Variants in MYO1E observed in about 807,000 individuals in gnomAD.
MYO1E encodes the protein myosin IE.
A neutral mutation model predicts 151.1 loss-of-function variants in MYO1E; 68 were observed. The ratio of observed to expected loss-of-function variants is 0.45; its 90% CI spans 0.37 to 0.55. The LOEUF (loss-of-function observed/expected upper bound fraction) is 0.55. Among genes scored for constraint, MYO1E ranks in the 20% least tolerant of loss-of-function variants. The pLI is 0.00. For missense variants in MYO1E, 1,363 were observed against 1,389.3 expected (o/e 0.98, Z 0.30); for synonymous variants, 601 against 501.7 (o/e 1.20, Z -2.64).
chr15:59,314,960 G>C (rs2080577327), intron 1 of MYO1E, among the ~76,000 whole-genome samples: 1 of 152,106 alleles, frequency 6.6e-6, no homozygotes, highest in African/African-American at 2.4e-5. Context: ...GATTTTTCTA[G>C]AGAAGCTGGA....
intron 26 of MYO1E, among the ~76,000 whole-genome samples, chr15:59,141,032 G>A (rs1328444813): frequency 6.6e-6 from 1 of 152,222 alleles, no homozygotes; most frequent in Non-Finnish European, 1.5e-5. Context: ...GGCCAGGCGA[G>A]CAGGTTTTTA....
At chr15:59,358,004 CT>C (rs1481004505) in intron 1 of MYO1E, among the ~76,000 whole-genome samples, 13 of 152,130 alleles carry the variant, frequency 8.5e-5, no homozygotes, top group Non-Finnish European at 1.9e-4. Context: ...TTCACTACAT[CT>C]TAATTGGAGC....
chr15:59,218,183 G>C (rs569188107), intron 9 of MYO1E, 96 bp from the exon 10 acceptor site: 2 of 1,429,582 alleles, frequency 1.4e-6, no homozygotes, highest in Non-Finnish European at 2.0e-6. Context: ...GCACATGCAC[G>C]TGTGTGTGCA....
intron 25 of MYO1E, among the ~76,000 whole-genome samples, chr15:59,156,423 G>A (rs2079510069): frequency 6.6e-6 from 1 of 152,200 alleles, no homozygotes; most frequent in Non-Finnish European, 1.5e-5. Flanking sequence ...GGCCTCAAGT[G>A]ATCTGCTCGT....
intron 1 of MYO1E, among the ~76,000 whole-genome samples, chr15:59,344,407 G>T (rs542455234): frequency 6.6e-6 from 1 of 152,206 alleles, no homozygotes; most frequent in African/African-American, 2.4e-5. Flanking sequence ...GTGGAGCTAG[G>T]GGAAGGGTGA....
At chr15:59,315,324 T>G (rs371318324) in intron 1 of MYO1E, among the ~76,000 whole-genome samples, 12 of 152,138 alleles carry the variant, frequency 7.9e-5, no homozygotes, top group Non-Finnish European at 1.6e-4. Context: ...TTTGACCTGA[T>G]TGCCATCCCC....
At chr15:59,272,015 C>G (rs2080291675) in intron 2 of MYO1E, among the ~76,000 whole-genome samples, 1 of 152,246 alleles carries the variant, frequency 6.6e-6, no homozygotes, top group Admixed American at 6.5e-5. Context: ...TATAAACATA[C>G]AAAACCTCAT....
chr15:59,326,016 G>C (rs2080661700), intron 1 of MYO1E, among the ~76,000 whole-genome samples: 1 of 152,192 alleles, frequency 6.6e-6, no homozygotes, highest in Non-Finnish European at 1.5e-5. Flanking sequence ...GGAATAGGAA[G>C]AGGGAAGTCA....
chr15:59,135,242 CCT>C lies in MYO1E; in HGVS notation c.*2136_*2137del, dbSNP rs1427179666. On this transcript the variant is annotated 3_prime_UTR_variant, in exon 28 of 28. Transcript: ENST00000288235. ...TTACTCGTGGGGGTTTAACTCAGTCCCTGTTTTGTGACCTAGAGCCCGATGGT... is the reference window on the plus strand; with the variant it reads ...TTACTCGTGGGGGTTTAACTCAGTCCGTTTTGTGACCTAGAGCCCGATGGT... 1 of 152,134 alleles carries C rather than the reference CCT, an allele frequency of 6.6e-6. No homozygotes were observed. Among genetic ancestry groups the C allele is most frequent in the Non-Finnish European group, 1.5e-5 (1 of 68,040 alleles). 9.4% of individuals were successfully genotyped at this position (152,134 alleles called of 1,614,324 possible). A position where few individuals can be genotyped will look rare whatever the true frequency, so the allele number is the denominator to read the frequency against.
intron 4 of MYO1E, among the ~76,000 whole-genome samples, chr15:59,254,195 AAAAACAAAAC>A (rs199845549): frequency 6.6e-6 from 1 of 151,986 alleles, no homozygotes; most frequent in East Asian, 1.9e-4. Flanking sequence ...GCTTTATTAA[AAAAACAAAAC>A]AAAACAAAAC....
chr15:59,335,925 T>C (rs1398202366), intron 1 of MYO1E, among the ~76,000 whole-genome samples: 2 of 151,678 alleles, frequency 1.3e-5, no homozygotes, highest in African/African-American at 4.9e-5. Context: ...GCCTTTCCAA[T>C]GAGAACCCGG....
chr15:59,361,661 T>C (rs1194627198), intron 1 of MYO1E, among the ~76,000 whole-genome samples: 2 of 152,124 alleles, frequency 1.3e-5, no homozygotes, highest in Non-Finnish European at 2.9e-5. Flanking sequence ...AAGAAATATA[T>C]ATGTACAACT....
chr15:59,239,876 C>T (rs1206893968), intron 4 of MYO1E, among the ~76,000 whole-genome samples: 1 of 152,178 alleles, frequency 6.6e-6, no homozygotes, highest in Non-Finnish European at 1.5e-5. Flanking sequence ...TTGAAACCTA[C>T]AGTATATGCA....
chr15:59,261,554 C>T, intron 2 of MYO1E, 45 bp from the exon 3 acceptor site: 1 of 1,272,276 alleles, frequency 7.9e-7, no homozygotes, highest in Non-Finnish European at 1.1e-6. Flanking sequence ...TTCATAGCTA[C>T]ACATTTTTCA....
chr15:59,324,308 A>G (rs1339257746), intron 1 of MYO1E, among the ~76,000 whole-genome samples: 2 of 152,244 alleles, frequency 1.3e-5, no homozygotes, highest in East Asian at 3.8e-4. Flanking sequence ...CAAATTAAAA[A>G]AAAAGGGAGA....
rs191201261 is a variant in MYO1E, at chr15:59,141,010, T to C, written c.3081-2643A>G. On this transcript the variant is annotated intron_variant, in intron 26 of 27. Transcript: ENST00000288235. Reference sequence around the variant, plus strand: ...ATTCCCTGTTCAAGAAGTGCTTGCTTCTCTGAAAGTTGGCCAGGCGAGCAG... The same window carrying C: ...ATTCCCTGTTCAAGAAGTGCTTGCTCCTCTGAAAGTTGGCCAGGCGAGCAG... Among the ~76,000 whole-genome samples, 119 of 152,320 alleles carry C rather than the reference T, an allele frequency of 7.8e-4. 2 individuals carry two copies. The highest frequency in any genetic ancestry group is 2.2e-4 in the Non-Finnish European group (15 of 68,022).
rs147911654 is a variant in MYO1E, at chr15:59,272,387, G to T, written c.66C>A (p.Asp22Glu). The change falls in exon 2 of 28, where the codon GAC becomes GAA. Residue 22 changes from aspartate (D) to glutamate (E), a missense_variant. Transcript: ENST00000288235. ...QSHNVKHSGV[D>E]DMVLLSKITE... ...TGATCTTGGACAGTAGCACCATGTC[G>T]TCCACACCACTGTGCTTGACATTGT... is the stretch of plus-strand genomic sequence containing the variant. The T allele has an allele frequency of 6.2e-7, 1 of 1,613,814 alleles. No individual in the cohort carries two copies. The highest frequency in any genetic ancestry group is 1.3e-5 in the African/African-American group (1 of 74,906).
intron 26 of MYO1E, among the ~76,000 whole-genome samples, chr15:59,149,427 T>A (rs1420501200): frequency 6.6e-6 from 1 of 151,606 alleles, no homozygotes; most frequent in Admixed American, 6.6e-5. Flanking sequence ...ATCTTTGACC[T>A]GAATTAAGAC....
chr15:59,245,521 A>G (rs1438934490), intron 4 of MYO1E, among the ~76,000 whole-genome samples: 1 of 152,212 alleles, frequency 6.6e-6, no homozygotes, highest in Non-Finnish European at 1.5e-5. Context: ...TTTAGCTTCT[A>G]TGCAGGATGC....
Sources: allele counts gnomAD v4.1 joint callset (sites outside exome capture counted in the v4.1 genomes callset), GRCh38; gene constraint gnomAD v4.1.1; transcripts MANE v1.5; gene names NCBI Gene and HGNC (gene_info 2026-07-23, HGNC 2026-07-21).